MLIP: variants seen among roughly 807,000 people sequenced by gnomAD.
The protein encoded by MLIP is muscular LMNA interacting protein.
Under a neutral mutation model 84.8 loss-of-function variants are expected in MLIP, and 79 were observed. The ratio of observed to expected loss-of-function variants is 0.93; its 90% CI spans 0.78 to 1.12. The LOEUF (loss-of-function observed/expected upper bound fraction) is 1.12. MLIP is among the 50% of genes most tolerant of loss of function. MLIP has a pLI of 0.00. For synonymous variants in MLIP, 504 were observed against 463.0 expected (o/e 1.09, Z -1.14); for missense variants, 1,257 against 1,160.6 (o/e 1.08, Z -1.21).
chr6:54,185,036 G>A (rs1434311108), intron 9 of MLIP, among the ~76,000 whole-genome samples: 1 of 152,130 alleles, frequency 6.6e-6, no homozygotes, highest in Non-Finnish European at 1.5e-5. Context: ...GGTGATGCAG[G>A]TGTTCAAATG....
intron 9 of MLIP, among the ~76,000 whole-genome samples, chr6:54,176,092 T>G (rs942626160): frequency 5.9e-5 from 9 of 152,088 alleles, no homozygotes; most frequent in Non-Finnish European, 1.5e-5. Flanking sequence ...TTGATCATGA[T>G]GAAGGATCTT....
chr6:54,020,349 A>G (rs1318652713), intron 1 of MLIP, among the ~76,000 whole-genome samples: 6 of 152,246 alleles, frequency 3.9e-5, no homozygotes, highest in Non-Finnish European at 5.9e-5. Context: ...TAAAAAGCAC[A>G]TGCCCAAAGT....
At chr6:54,094,587 T>C (rs1768083547) in intron 1 of MLIP, among the ~76,000 whole-genome samples, 1 of 150,720 alleles carries the variant, frequency 6.6e-6, no homozygotes, top group East Asian at 2.1e-4. Flanking sequence ...GTCTTCTTTC[T>C]GACTTTTTTT....
Position 54,075,310 on chromosome 6 carries a change from C to T in MLIP, c.64-46137C>T, listed in dbSNP as rs367823074. 5.3e-5 allele frequency among the ~76,000 whole-genome samples: 8 copies of T among 149,654 alleles called. No homozygotes were observed. The South Asian group carries it at 1.7e-3, about 32-fold the overall frequency. ...TAATAATCAGGGAAATGCCTATGTG[C>T]TTCTTACTGAATTTTTATTCAAGGT... On this transcript the variant is annotated intron_variant, in intron 1 of 12. Transcript: ENST00000274897.
intron 1 of MLIP, among the ~76,000 whole-genome samples, chr6:54,051,731 G>A (rs1024267494): frequency 2.6e-5 from 4 of 152,132 alleles, no homozygotes; most frequent in Admixed American, 2.0e-4. Flanking sequence ...TAGAAAATGA[G>A]GGAACAGGAA....
chr6:54,184,927 A>C (rs1025309662), intron 9 of MLIP, among the ~76,000 whole-genome samples: 4 of 152,208 alleles, frequency 2.6e-5, no homozygotes, highest in Non-Finnish European at 5.9e-5. Context: ...CAGTTGGTGT[A>C]AAACTGGAGC....
intron 1 of MLIP, among the ~76,000 whole-genome samples, chr6:54,098,183 T>C (rs1200366019): frequency 7.1e-6 from 1 of 140,164 alleles, no homozygotes; most frequent in African/African-American, 2.6e-5. Flanking sequence ...AGAGACGGGA[T>C]CTCAAAATTT....
chr6:54,251,842 CATATAAT>C (rs1422217319), intron 12 of MLIP, among the ~76,000 whole-genome samples: 1 of 61,996 alleles, frequency 1.6e-5, no homozygotes, highest in Non-Finnish European at 2.6e-5. Context: ...TATATTATAA[CATATAAT>C]ATATAATATA....
At chr6:54,081,616 T>A (rs768527939) in intron 1 of MLIP, among the ~76,000 whole-genome samples, 1 of 152,158 alleles carries the variant, frequency 6.6e-6, no homozygotes, top group Non-Finnish European at 1.5e-5. Context: ...TTTCACCATG[T>A]TGGCCGGGCT....
At chr6:54,167,742 GA>G (rs977215458) in intron 8 of MLIP, among the ~76,000 whole-genome samples, 1 of 151,796 alleles carries the variant, frequency 6.6e-6, no homozygotes, top group African/African-American at 2.4e-5. Context: ...GCACTAGCCA[GA>G]AAAAACTACC....
intron 1 of MLIP, among the ~76,000 whole-genome samples, chr6:54,019,246 G>A (rs1411882130): frequency 6.6e-6 from 1 of 152,054 alleles, no homozygotes; most frequent in Non-Finnish European, 1.5e-5. Flanking sequence ...GGGCTTTCCT[G>A]AAAATAATGT....
chr6:54,245,717 T>C (rs893471263), intron 12 of MLIP, among the ~76,000 whole-genome samples: 2 of 152,190 alleles, frequency 1.3e-5, no homozygotes, highest in African/African-American at 4.8e-5. Flanking sequence ...ACTGCCATTA[T>C]TCAATAGCTT....
chr6:54,208,886 C>G (rs1779225599), intron 11 of MLIP, among the ~76,000 whole-genome samples: 1 of 152,180 alleles, frequency 6.6e-6, no homozygotes, highest in African/African-American at 2.4e-5. Context: ...CTACAACTGC[C>G]TTAAAATGTT....
At chr6:54,209,128 T>G (rs970961908) in intron 11 of MLIP, among the ~76,000 whole-genome samples, 1 of 152,216 alleles carries the variant, frequency 6.6e-6, no homozygotes, top group African/African-American at 2.4e-5. Flanking sequence ...TGGCATATAT[T>G]TTAAAATGTG....
chr6:54,082,248 G>A (rs760800148), intron 1 of MLIP, among the ~76,000 whole-genome samples: 6 of 151,866 alleles, frequency 4.0e-5, no homozygotes, highest in Non-Finnish European at 8.8e-5. Context: ...TCTGTTGATG[G>A]GCATTTAGAT....
chr6:54,090,499 C>T lies in MLIP; in HGVS notation c.64-30948C>T, dbSNP rs570558807. On this transcript the variant is annotated intron_variant, in intron 1 of 12. Coordinates refer to the MLIP transcript ENST00000274897. ...TCACATTCTGTCTAGAACAACTTCCCTTTGTTATTCAGAAATTAATCCTAC... is the reference window on the plus strand; with the variant it reads ...TCACATTCTGTCTAGAACAACTTCCTTTTGTTATTCAGAAATTAATCCTAC... Among the ~76,000 whole-genome samples the T allele has an allele frequency of 9.2e-5, 14 of 152,202 alleles. No individual in the cohort carries two copies. The East Asian group carries it at 2.7e-3, about 29-fold the overall frequency.
chr6:54,252,573 A>T (rs1782713907), intron 12 of MLIP, among the ~76,000 whole-genome samples: 1 of 147,992 alleles, frequency 6.8e-6, no homozygotes, highest in Non-Finnish European at 1.5e-5. Flanking sequence ...TTATCATGAT[A>T]TGTATATAAT....
At chr6:54,074,974 C>T (rs574662157) in intron 1 of MLIP, among the ~76,000 whole-genome samples, 6 of 152,156 alleles carry the variant, frequency 3.9e-5, no homozygotes, top group African/African-American at 1.4e-4. Context: ...CCTGGCCAGG[C>T]GCGGTGGTTC....
chr6:54,156,277 C>T (rs1774021101), intron 5 of MLIP, among the ~76,000 whole-genome samples: 1 of 151,932 alleles, frequency 6.6e-6, no homozygotes, highest in South Asian at 2.1e-4. Context: ...TCAAAATAAG[C>T]CCCCCATCCA....
Sources: allele counts gnomAD v4.1 joint callset (sites outside exome capture counted in the v4.1 genomes callset), GRCh38; gene constraint gnomAD v4.1.1; transcripts MANE v1.5; gene names NCBI Gene and HGNC (gene_info 2026-07-23, HGNC 2026-07-21).